Variants in C4orf50 observed in about 807,000 individuals in gnomAD.
The protein encoded by C4orf50 is chromosome 4 open reading frame 50.
A neutral mutation model predicts 77.2 loss-of-function variants in C4orf50; 80 were observed. The ratio of observed to expected loss-of-function variants is 1.04; its 90% CI spans 0.87 to 1.25. C4orf50 has a LOEUF of 1.25. Ranked by LOEUF, C4orf50 falls within the 50% of genes most tolerant of loss-of-function variation. The pLI, the probability that C4orf50 is intolerant of heterozygous loss-of-function variation, is 0.00. For missense variants in C4orf50, 1,257 were observed against 1,152.9 expected, an observed-to-expected ratio of 1.09 and a Z score of -1.31; for synonymous variants, 532 against 465.3, an observed-to-expected ratio of 1.14 and a Z score of -1.84.
intron 7 of C4orf50, among the ~76,000 whole-genome samples, chr4:5,910,146 G>C (rs1008092706): frequency 8.5e-5 from 13 of 152,234 alleles, no homozygotes; most frequent in South Asian, 8.3e-4. Context: ...TACAAGATCT[G>C]TCAGACTTCA....
chr4:6,003,796 TG>T (rs1262331062), intron 25 of C4orf50, among the ~76,000 whole-genome samples: 6 of 130,072 alleles, frequency 4.6e-5, no homozygotes, highest in East Asian at 2.9e-4. Flanking sequence ...ATGGTGATGA[TG>T]GTGATGGTGA....
intron 33 of C4orf50, among the ~76,000 whole-genome samples, chr4:5,960,732 G>A (rs987450813): frequency 2.0e-5 from 3 of 152,226 alleles, no homozygotes; most frequent in Non-Finnish European, 4.4e-5. Context: ...AGCTGGGAAG[G>A]CCTCATGGAG....
chr4:5,963,012 T>C (rs1719359536), intron 33 of C4orf50, among the ~76,000 whole-genome samples: 1 of 120,154 alleles, frequency 8.3e-6, no homozygotes, highest in Non-Finnish European at 1.8e-5. Flanking sequence ...TTTTTTTTTT[T>C]TTTTTTTGAG....
At chr4:5,965,270 G>T in intron 32 of C4orf50, 125 bp from the exon 11 acceptor site, 1 of 1,010,578 alleles carries the variant, frequency 9.9e-7, no homozygotes. Flanking sequence ...CAGTTTCCAT[G>T]CCCCGGGGCA....
chr4:5,952,417 C>T (rs944658313), downstream of C4orf50, among the ~76,000 whole-genome samples: 7 of 152,186 alleles, frequency 4.6e-5, no homozygotes, highest in African/African-American at 9.7e-5. The surrounding 1 kb of genome is among the most constrained non-coding windows in gnomAD (Gnocchi z 4.4). Flanking sequence ...GCAGTGGGGA[C>T]GGCAGGCACC....
rs926110943 is a variant in C4orf50 at position 6,000,545 on chromosome 4, G to C, written c.964-6069C>G. 2.6e-5 allele frequency among the ~76,000 whole-genome samples: 4 copies of C among 152,114 alleles called. No homozygotes were observed. The highest frequency in any genetic ancestry group is 9.7e-5 in the African/African-American group (4 of 41,420). ...GCAGCCTTGTCACATGCTGCAGCCTGGGTCCAGCCCCCACTGCAACACCAG... is the reference window on the plus strand; with the variant it reads ...GCAGCCTTGTCACATGCTGCAGCCTCGGTCCAGCCCCCACTGCAACACCAG... On this transcript the variant is annotated intron_variant, in intron 25 of 33. Transcript: ENST00000531445. The surrounding 1 kb of genome is among the most constrained non-coding windows in gnomAD (Gnocchi z 6.0).
chr4:5,957,815 G>A (rs887106426), exon 34 of C4orf50: 5 of 152,124 alleles, frequency 3.3e-5, no homozygotes, highest in African/African-American at 1.2e-4. Flanking sequence ...CCTTTCTTAC[G>A]TCTCAATGGC....
rs111629114 is a variant in C4orf50, at chr4:6,001,364, G to C, written c.963+6632C>G. Among the ~76,000 whole-genome samples the C allele has an allele frequency of 4.6e-3, 707 of 152,288 alleles. 6 individuals are homozygous for C. The highest frequency in any genetic ancestry group is 0.016 in the African/African-American group (663 of 41,570). On this transcript the variant is annotated intron_variant, in intron 25 of 33. Coordinates refer to ENST00000531445, the Ensembl canonical transcript of C4orf50. ...AGGGTTTCACCATGTTGGACAGGCTGGTCACTTTAGGTCAGGAGTTCGTGT... is the reference window on the plus strand; with the variant it reads ...AGGGTTTCACCATGTTGGACAGGCTCGTCACTTTAGGTCAGGAGTTCGTGT...
In C4orf50 at chr4:5,934,965, G is replaced by C. The variant is rs75591040; in HGVS notation, c.*2474+21936C>G. On this transcript the variant is annotated intron_variant, in intron 7 of 7. Coordinates refer to the C4orf50 transcript ENST00000324058. Reference sequence around the variant, plus strand: ...GTGACCCCAAGCAAGTTACTTAGCAGCTCTGTGCTTCAGTTTCTCCAGCTG... The same window carrying C: ...GTGACCCCAAGCAAGTTACTTAGCACCTCTGTGCTTCAGTTTCTCCAGCTG... Among the ~76,000 whole-genome samples the C allele has an allele frequency of 7.8e-3, 1,186 of 152,298 alleles. 12 individuals carry two copies. The highest frequency in any genetic ancestry group is 0.027 in the African/African-American group (1,134 of 41,552).
chr4:5,963,921 A>G (rs1005687222), intron 33 of C4orf50, among the ~76,000 whole-genome samples: 1 of 152,214 alleles, frequency 6.6e-6, no homozygotes, highest in Admixed American at 6.5e-5. Flanking sequence ...CCCAAAGCTC[A>G]TAAGTAAGTT....
In C4orf50 at chr4:5,919,945, G is replaced by A. The variant is rs112494867; in HGVS notation, c.*2475-21757C>T. Among the ~76,000 whole-genome samples, 18 of 152,320 alleles carry A rather than the reference G, an allele frequency of 1.2e-4. No homozygotes were observed. Among genetic ancestry groups the A allele is most frequent in the African/African-American group, 2.4e-4 (10 of 41,574 alleles). ...AGAAAACTTAGTCTGTGTTCAACAC[G>A]CACAGACTTTTCTTGTCATCATTCC... On this transcript the variant is annotated intron_variant, in intron 7 of 7. Coordinates refer to the C4orf50 transcript ENST00000324058. The surrounding 1 kb of genome is among the most constrained non-coding windows in gnomAD (Gnocchi z 6.5).
Position 5,992,464 on chromosome 4 carries a change from G to A in C4orf50, c.1221+339C>T, listed in dbSNP as rs1465337984. Among the ~76,000 whole-genome samples the A allele has an allele frequency of 6.6e-6, 1 of 152,054 alleles. No individual in the cohort carries two copies. The highest frequency in any genetic ancestry group is 2.4e-5 in the African/African-American group (1 of 41,412). Reference sequence around the variant, plus strand: ...GTCCACCTCCAAGCTGGGGACCTTGGGGAGTCACAGCAGCCCTTGGAGTCT... The same window carrying A: ...GTCCACCTCCAAGCTGGGGACCTTGAGGAGTCACAGCAGCCCTTGGAGTCT... On this transcript the variant is annotated intron_variant, in intron 27 of 33. Transcript: ENST00000531445. This position sits in a 1 kb window ranked among gnomAD's most constrained non-coding sequence, Gnocchi z 5.0.
At chr4:5,907,359 A>G (rs1464040958) in intron 7 of C4orf50, among the ~76,000 whole-genome samples, 1 of 152,230 alleles carries the variant, frequency 6.6e-6, no homozygotes, top group African/African-American at 2.4e-5. Flanking sequence ...TTCATCAAAA[A>G]AAATCACAGG....
chr4:5,946,313 T>A lies in C4orf50; in HGVS notation c.*2474+10588A>T, dbSNP rs189975472. Among the ~76,000 whole-genome samples, 443 of 152,328 alleles carry A rather than the reference T, an allele frequency of 2.9e-3. 3 individuals carry two copies. Among genetic ancestry groups the A allele is most frequent in the African/African-American group, 9.9e-3 (410 of 41,574 alleles). ...AGGACTGGCAGGAGGGTTTAGTGCC[T>A]TCTTCACAAACCCAAAACCCCTAGA... On this transcript the variant is annotated intron_variant, in intron 7 of 7. Coordinates refer to the C4orf50 transcript ENST00000324058.
chr4:6,012,528 C>A (rs1722531999), intron 23 of C4orf50, among the ~76,000 whole-genome samples: 1 of 152,144 alleles, frequency 6.6e-6, no homozygotes, highest in Admixed American at 6.5e-5. Context: ...AAAAACGTTT[C>A]TGCAACTGAA....
At chr4:6,004,979 G>T (rs1407020978) in intron 25 of C4orf50, among the ~76,000 whole-genome samples, 2 of 152,152 alleles carry the variant, frequency 1.3e-5, no homozygotes, top group African/African-American at 4.8e-5. Flanking sequence ...GGATGCACTA[G>T]TATCATCATC....
At chr4:5,939,707 C>A (rs1455930188) in intron 7 of C4orf50, among the ~76,000 whole-genome samples, 1 of 152,160 alleles carries the variant, frequency 6.6e-6, no homozygotes, top group Non-Finnish European at 1.5e-5. Flanking sequence ...ATTTGTCTCT[C>A]CATCCCCATC....
rs1717166535 is a variant in C4orf50, at chr4:5,919,316, C to T, written c.*2475-21128G>A. 6.6e-6 allele frequency among the ~76,000 whole-genome samples: 1 copy of T among 151,812 alleles called. No individual in the cohort carries two copies. Among genetic ancestry groups the T allele is most frequent in the Non-Finnish European group, 1.5e-5 (1 of 68,008 alleles). ...ATGGCTACCACAGCTCAGGAAGGTT[C>T]TAGAAGTCTGGATGAACTGGCGTGG... On this transcript the variant is annotated intron_variant, in intron 7 of 7. Coordinates refer to the C4orf50 transcript ENST00000324058. The surrounding 1 kb of genome is among the most constrained non-coding windows in gnomAD (Gnocchi z 6.5).
intron 7 of C4orf50, among the ~76,000 whole-genome samples, chr4:5,923,887 C>T (rs1187026517): frequency 1.3e-5 from 2 of 152,170 alleles, no homozygotes; most frequent in Non-Finnish European, 2.9e-5. Flanking sequence ...TGGGTGGGCA[C>T]CATCTGATCA....
Sources: gnomAD v4.1 joint callset for allele counts (sites outside exome capture counted in the v4.1 genomes callset) on GRCh38, gnomAD v4.1.1 for gene constraint, Gnocchi (gnomAD v3.1) non-coding constraint, MANE v1.5 for transcripts, NCBI Gene and HGNC (gene_info 2026-07-23, HGNC 2026-07-21) for gene names.